The following PLCL1 variants were observed in gnomAD, a reference collection of about 807,000 sequenced individuals.
PLCL1 encodes the protein phospholipase C like 1 (inactive).
In PLCL1, 41 loss-of-function variants were observed where a neutral mutation model predicts 84.4. The observed-to-expected ratio is 0.49, with a 90% CI of 0.38 to 0.63. PLCL1 has a LOEUF of 0.63. PLCL1 is among the 30% of genes least tolerant of loss of function. The pLI, the probability that PLCL1 is intolerant of heterozygous loss-of-function variation, is 0.00. For synonymous variants in PLCL1, 490 were observed against 488.3 expected (o/e 1.00, Z -0.05); for missense variants, 1,206 against 1,367.8 (o/e 0.88, Z 1.87).
chr2:198,149,816 T>C lies in PLCL1; in HGVS notation c.*2854T>C, dbSNP rs950287487. 6.6e-6 allele frequency: 1 copy of C among 152,192 alleles called. No individual in the cohort carries two copies. Among genetic ancestry groups the C allele is most frequent in the Admixed American group, 6.5e-5 (1 of 15,272 alleles). 9.4% of individuals were successfully genotyped at this position (152,192 alleles called of 1,614,324 possible). On this transcript the variant is annotated 3_prime_UTR_variant, in exon 6 of 6. Transcript: ENST00000428675. Reference sequence around the variant, plus strand: ...AGCAGGGTGTTTAAAATTTTAACAATATGTTATGGATATCTTTCTGTGTCA... The same window carrying C: ...AGCAGGGTGTTTAAAATTTTAACAACATGTTATGGATATCTTTCTGTGTCA...
chr2:198,009,621 G>A (rs1690817943), intron 1 of PLCL1, among the ~76,000 whole-genome samples: 1 of 152,000 alleles, frequency 6.6e-6, no homozygotes. Context: ...GAAGTGTGAT[G>A]CCTCTGACTT....
intron 1 of PLCL1, among the ~76,000 whole-genome samples, chr2:198,029,647 C>T (rs1355310675): frequency 6.6e-6 from 1 of 152,068 alleles, no homozygotes; most frequent in Non-Finnish European, 1.5e-5. Context: ...GCTGATTATT[C>T]TTCCAGCCAT....
intron 1 of PLCL1, among the ~76,000 whole-genome samples, chr2:197,944,732 C>T (rs1202064777): frequency 6.6e-6 from 1 of 152,148 alleles, no homozygotes; most frequent in Non-Finnish European, 1.5e-5. Flanking sequence ...TAGCAACTTC[C>T]CTTACCTTTA....
chr2:198,099,970 A>G (rs1395330000), intron 3 of PLCL1, among the ~76,000 whole-genome samples: 1 of 152,200 alleles, frequency 6.6e-6, no homozygotes, highest in Non-Finnish European at 1.5e-5. Flanking sequence ...TTAAGAGCAT[A>G]CAAAATTACA....
In PLCL1 at chr2:198,088,928, C is replaced by G. The variant is rs751785949; in HGVS notation, c.2786C>G (p.Thr929Ser). The G allele has an allele frequency of 5.0e-6, 8 of 1,612,484 alleles. No individual in the cohort carries two copies. In the Admixed American group the frequency reaches 1.3e-4, roughly 27 times the overall value. ...GCCAGTCTGAAGCAGTGCCTGTTAA[C>G]TCTGTCATCTCGGCTCATCACCAGT... ...PIASLKQCLL[T>S]LSSRLITSDN... is the part of the protein sequence containing the mutation. The change falls in exon 3 of 6, where the codon ACT becomes AGT. Residue 929 changes from threonine (T) to serine (S), a missense_variant. Coordinates refer to ENST00000428675, the MANE Select transcript of PLCL1 (RefSeq NM_006226.4).
intron 5 of PLCL1, among the ~76,000 whole-genome samples, chr2:198,114,958 G>C (rs1473157596): frequency 6.6e-6 from 1 of 151,784 alleles, no homozygotes; most frequent in African/African-American, 2.4e-5. Context: ...ACTGTGATAG[G>C]GGAACTATTG....
intron 1 of PLCL1, among the ~76,000 whole-genome samples, chr2:198,082,238 T>A (rs536005563): frequency 6.6e-6 from 1 of 152,318 alleles, no homozygotes; most frequent in East Asian, 1.9e-4. Context: ...AAATTAAGAT[T>A]GAGAGAGGTT....
At chr2:197,994,454 C>T in intron 1 of PLCL1, among the ~76,000 whole-genome samples, 1 of 152,100 alleles carries the variant, frequency 6.6e-6, no homozygotes, top group East Asian at 1.9e-4. Flanking sequence ...TTAAGAAAGT[C>T]ATCTGAGTCA....
At chr2:197,817,361 C>T (rs560129296) in intron 1 of PLCL1, among the ~76,000 whole-genome samples, 29 of 151,562 alleles carry the variant, frequency 1.9e-4, no homozygotes, top group Admixed American at 1.8e-3. Context: ...TTTCTATGTG[C>T]GTGTGCGTGT....
Position 198,085,256 on chromosome 2 carries a change from G to A in PLCL1, c.1739G>A (p.Arg580Gln), listed in dbSNP as rs147316319. The A allele has an allele frequency of 1.9e-4, 308 of 1,614,014 alleles. 2 individuals are homozygous for A. In the African/African-American group the frequency reaches 3.7e-3, roughly 19 times the overall value. ...VDYNGEQKQIRLCRELSDLVS... is the reference protein window; with the variant it reads ...VDYNGEQKQIQLCRELSDLVS... ...TACAATGGTGAGCAGAAGCAAATCC[G>A]ACTCTGTAGGGAGCTCTCTGATTTG... The change falls in exon 2 of 6, where the codon CGA becomes CAA. Residue 580 changes from arginine (R) to glutamine (Q), a missense_variant. Arg to Gln is a conservative substitution (Grantham distance 43). Coordinates refer to ENST00000428675, the MANE Select transcript of PLCL1 (RefSeq NM_006226.4). The surrounding 1 kb of genome is among the most constrained non-coding windows in gnomAD (Gnocchi z 5.3).
intron 1 of PLCL1, among the ~76,000 whole-genome samples, chr2:197,809,809 AGT>A (rs3056067): frequency 0.73 from 106,484 of 146,472 alleles, 38,831 homozygotes; most frequent in South Asian, 0.83. Flanking sequence ...GAGCTCTGAA[AGT>A]GTGTGTGTGT....
chr2:198,097,547 C>T (rs918960353), intron 3 of PLCL1, among the ~76,000 whole-genome samples: 2 of 152,106 alleles, frequency 1.3e-5, no homozygotes, highest in African/African-American at 2.4e-5. Flanking sequence ...GGAGTTAAAT[C>T]GTAATGACAG....
intron 1 of PLCL1, among the ~76,000 whole-genome samples, chr2:198,020,674 G>GATCA (rs1266631526): frequency 6.6e-6 from 1 of 152,102 alleles, no homozygotes; most frequent in East Asian, 1.9e-4. Context: ...ATGGTAAAGG[G>GATCA]ATCAATGCAA....
At chr2:197,900,350 T>A (rs1356324481) in intron 1 of PLCL1, among the ~76,000 whole-genome samples, 1 of 152,204 alleles carries the variant, frequency 6.6e-6, no homozygotes, top group African/African-American at 2.4e-5. Context: ...AAGATCATGA[T>A]TGTTTTCATA....
intron 5 of PLCL1, among the ~76,000 whole-genome samples, chr2:198,126,080 T>C (rs900734073): frequency 1.3e-5 from 2 of 151,980 alleles, no homozygotes; most frequent in Non-Finnish European, 2.9e-5. Flanking sequence ...TTGTTTCTAG[T>C]GGGGCTACTC....
rs1204320661 is a variant in PLCL1, at chr2:198,054,315, C to A, written c.241-29443C>A. Among the ~76,000 whole-genome samples the A allele has an allele frequency of 3.3e-5, 5 of 152,188 alleles. No individual in the cohort carries two copies. The East Asian group carries it at 5.8e-4, about 18-fold the overall frequency. On this transcript the variant is annotated intron_variant, in intron 1 of 5. Coordinates refer to ENST00000428675, the MANE Select transcript of PLCL1 (RefSeq NM_006226.4). Reference sequence around the variant, plus strand: ...AAGTGTTGGACTTAAATTACATTTTCAACCAAATGGACCTAACAGACATAT... The same window carrying A: ...AAGTGTTGGACTTAAATTACATTTTAAACCAAATGGACCTAACAGACATAT...
At chr2:197,991,603 G>T (rs1253396856) in intron 1 of PLCL1, among the ~76,000 whole-genome samples, 1 of 152,090 alleles carries the variant, frequency 6.6e-6, no homozygotes, top group Non-Finnish European at 1.5e-5. Flanking sequence ...CAGCCTCATG[G>T]TTCTTCCAGT....
intron 1 of PLCL1, among the ~76,000 whole-genome samples, chr2:197,883,881 A>G (rs996472924): frequency 2.8e-4 from 43 of 152,290 alleles, no homozygotes; most frequent in African/African-American, 1.0e-3. Context: ...TACTGGGAAC[A>G]TTTGGCTCTG....
At chr2:197,910,450 G>A (rs936862783) in intron 1 of PLCL1, among the ~76,000 whole-genome samples, 3 of 152,068 alleles carry the variant, frequency 2.0e-5, no homozygotes, top group Non-Finnish European at 4.4e-5. Flanking sequence ...TTTACCCCAC[G>A]ACCATCTCAG....
Sources: gnomAD v4.1 joint callset for allele counts (sites outside exome capture counted in the v4.1 genomes callset) on GRCh38, gnomAD v4.1.1 for gene constraint, Gnocchi (gnomAD v3.1) non-coding constraint, MANE v1.5 for transcripts, NCBI Gene and HGNC (gene_info 2026-07-23, HGNC 2026-07-21) for gene names.